The following BST1 variants were observed in gnomAD, a reference collection of about 807,000 sequenced individuals.
BST1 encodes ADP-ribosyl cyclase/cyclic ADP-ribose hydrolase 2.
Under a neutral mutation model 40.6 loss-of-function variants are expected in BST1, and 49 were observed. The observed-to-expected ratio is 1.21, with a 90% CI of 0.96 to 1.53. The LOEUF is 1.53. Among genes scored for constraint, BST1 ranks in the 40% most tolerant of loss-of-function variants. BST1 has a pLI of 0.00. For missense variants in BST1, 423 were observed against 395.9 expected (o/e 1.07, Z -0.58); for synonymous variants, 157 against 159.3 (o/e 0.99, Z 0.11).
chr4:15,760,454 T>A, the BST1 span, among the ~76,000 whole-genome samples: 18 of 151,900 alleles, frequency 1.2e-4, no homozygotes, highest in Non-Finnish European at 2.2e-4. Context: ...GAGTGGAATT[T>A]CCAGGTCATG....
intron 1 of BST1, chr4:15,704,876 G>C (rs774804780): frequency 1.4e-6 from 1 of 709,164 alleles, no homozygotes; most frequent in Admixed American, 2.0e-5. Context: ...TTATGTTTGT[G>C]ATGTCTTTCT....
At chr4:15,715,212 G>C (rs1054903341) in intron 4 of BST1, 73 bp from the exon 5 acceptor site, 2 of 1,380,254 alleles carry the variant, frequency 1.4e-6, no homozygotes, top group African/African-American at 2.9e-5. Flanking sequence ...CTGACAATTT[G>C]TAAAAAATGC....
chr4:15,759,115 CAAAAA>C, the BST1 span, among the ~76,000 whole-genome samples: 2 of 151,920 alleles, frequency 1.3e-5, no homozygotes, highest in South Asian at 2.1e-4. Flanking sequence ...TTATGTATAT[CAAAAA>C]CTATCTCCTG....
At chr4:15,735,326 G>T (rs1013691023), downstream of BST1, among the ~76,000 whole-genome samples, 2 of 152,176 alleles carry the variant, frequency 1.3e-5, no homozygotes, top group African/African-American at 4.8e-5. Flanking sequence ...CTTCTTTGCA[G>T]ACTCACTCAT....
chr4:15,766,968 G>T, the BST1 span, among the ~76,000 whole-genome samples: 1 of 151,748 alleles, frequency 6.6e-6, no homozygotes, highest in Non-Finnish European at 1.5e-5. Flanking sequence ...TCCCACTGCC[G>T]TTGCCAGCAT....
intron 1 of BST1, 29 bp downstream of exon 1, chr4:15,703,361 G>C (rs1289769605): frequency 4.7e-6 from 7 of 1,488,010 alleles, no homozygotes; most frequent in African/African-American, 1.5e-5. Flanking sequence ...TGGAAGGGGA[G>C]CCGGAAAGAG....
At chr4:15,761,895 A>G in the BST1 span, among the ~76,000 whole-genome samples, 2 of 151,880 alleles carry the variant, frequency 1.3e-5, no homozygotes, top group Non-Finnish European at 2.9e-5. Flanking sequence ...CTTTTTTTGT[A>G]GATGGTTTTA....
At chr4:15,736,256 C>T, downstream of BST1, 16 of 553,392 alleles carry the variant, frequency 2.9e-5, no homozygotes, top group Non-Finnish European at 4.3e-5. Context: ...GTCCTGAGTG[C>T]ATCGTCCTCT....
In BST1 at chr4:15,722,900, G is replaced by A; in HGVS notation, c.817G>A (p.Asp273Asn). The A allele has an allele frequency of 6.2e-7, 1 of 1,613,666 alleles. No homozygotes were observed. Among genetic ancestry groups the A allele is most frequent in the East Asian group, 2.2e-5 (1 of 44,870 alleles). ...ACCAGTGAAGCTCTTACAGTGCGTG[G>A]ACCACAGCACCCATCCTGACTGTGC... ...YRPVKLLQCV[D>N]HSTHPDCALK... The change falls in exon 8 of 9, where the codon GAC (aspartate) becomes AAC (asparagine). Residue 273 changes from aspartate to asparagine, a missense_variant. Transcript: ENST00000265016.
At chr4:15,730,955 A>T in intron 8 of BST1, 1 of 383,110 alleles carries the variant, frequency 2.6e-6, no homozygotes, top group Non-Finnish European at 4.4e-6. Flanking sequence ...ATTTATTCAA[A>T]TGTGCCTTAA....
At chr4:15,704,399 GAT>G (rs370872600) in intron 1 of BST1, among the ~76,000 whole-genome samples, 2,891 of 77,448 alleles carry the variant, frequency 0.037, 105 homozygotes, top group African/African-American at 0.11. Flanking sequence ...AGAGGTAAGG[GAT>G]GTGTGTGTGT....
chr4:15,751,256 G>C, the BST1 span, among the ~76,000 whole-genome samples: 6 of 151,542 alleles, frequency 4.0e-5, no homozygotes, highest in African/African-American at 1.5e-4. Context: ...TAGTCTGTGC[G>C]GTGGTTAGGC....
intron 3 of BST1, among the ~76,000 whole-genome samples, chr4:15,710,444 C>CA (rs1454324031): frequency 1.3e-5 from 2 of 152,148 alleles, no homozygotes; most frequent in Non-Finnish European, 2.9e-5. Flanking sequence ...GTGAGACATT[C>CA]AAAATCCTCT....
rs746322039 is a variant in BST1, at chr4:15,711,893, A to G, written c.534+4A>G. The G allele has an allele frequency of 1.2e-6, 2 of 1,610,882 alleles. No individual in the cohort carries two copies. The highest frequency in any genetic ancestry group is 3.3e-5 in the Admixed American group (2 of 60,008). On this transcript the variant is annotated splice_donor_region_variant and intron_variant, in intron 4 of 8. Coordinates refer to ENST00000265016, the MANE Select transcript of BST1 (RefSeq NM_004334.3). ...TTGGAAAAGGGCATCCATCCAGGTAATGCTGGGATGATATCTGAGTGGTTG... is the reference window on the plus strand; with the variant it reads ...TTGGAAAAGGGCATCCATCCAGGTAGTGCTGGGATGATATCTGAGTGGTTG...
the BST1 span, among the ~76,000 whole-genome samples, chr4:15,770,277 C>G: frequency 6.6e-6 from 1 of 152,182 alleles, no homozygotes; most frequent in Non-Finnish European, 1.5e-5. Flanking sequence ...ATAGTCATGC[C>G]TCTTGTCCCC....
chr4:15,761,765 T>C, the BST1 span, among the ~76,000 whole-genome samples: 1 of 151,998 alleles, frequency 6.6e-6, no homozygotes, highest in African/African-American at 2.4e-5. Context: ...AAGGTCTTTA[T>C]ATTCCTGGAA....
chr4:15,722,785 T>C (rs1408980581), intron 7 of BST1, 90 bp from the exon 8 acceptor site: 9 of 1,073,942 alleles, frequency 8.4e-6, no homozygotes, highest in Non-Finnish European at 1.1e-5. Context: ...CAGAGACTAC[T>C]GTATCTCCAG....
At chr4:15,705,398 TAC>T in intron 1 of BST1, 115 bp from the exon 2 acceptor site, 1 of 1,201,422 alleles carries the variant, frequency 8.3e-7, no homozygotes, top group Non-Finnish European at 1.2e-6. Flanking sequence ...TTTGTAAGCC[TAC>T]TTCTGCAGTT....
chr4:15,761,283 G>T, the BST1 span, among the ~76,000 whole-genome samples: 1 of 151,906 alleles, frequency 6.6e-6, no homozygotes, highest in Non-Finnish European at 1.5e-5. Context: ...ATTGCTGTTT[G>T]TTAAAAATGG....
Sources: gnomAD v4.1 joint callset for allele counts (sites outside exome capture counted in the v4.1 genomes callset) on GRCh38, gnomAD v4.1.1 for gene constraint, MANE v1.5 for transcripts, NCBI Gene and HGNC (gene_info 2026-07-23, HGNC 2026-07-21) for gene names.